Variants in CACNA1C observed in about 807,000 individuals in gnomAD.
The protein encoded by CACNA1C is voltage-dependent L-type calcium channel subunit alpha-1C.
In CACNA1C, 30 loss-of-function variants were observed where a neutral mutation model predicts 229.0. The ratio of observed to expected loss-of-function variants is 0.13; its 90% confidence interval spans 0.10 to 0.18. The LOEUF (loss-of-function observed/expected upper bound fraction) is 0.18, where lower values mean the gene tolerates loss of function less well. Ranked by LOEUF, CACNA1C falls within the 10% of genes least tolerant of loss-of-function variation. The probability of loss-of-function intolerance (pLI) is 1.00; values close to 1 mark genes in which losing one functional copy is unlikely to be tolerated. For synonymous variants in CACNA1C, 1,114 were observed against 1,132.5 expected (o/e 0.98, Z 0.33); for missense variants, 1,658 against 2,845.0 (o/e 0.58, Z 9.49).
chr12:2,683,764 G>C (rs1054307956), intron 43 of CACNA1C, among the ~76,000 whole-genome samples: 3 of 152,212 alleles, frequency 2.0e-5, no homozygotes, highest in Non-Finnish European at 4.4e-5. Flanking sequence ...TCAAGAACCT[G>C]GGATGCTGGG....
chr12:2,080,810 T>C (rs1446887627), intron 1 of CACNA1C, among the ~76,000 whole-genome samples: 1 of 152,132 alleles, frequency 6.6e-6, no homozygotes, highest in Non-Finnish European at 1.5e-5. Flanking sequence ...AAGTTAGATC[T>C]GAGGAAATTG....
rs964423893 is a variant in CACNA1C at position 2,056,459 on chromosome 12, C to G, written c.49+2848C>G. Among the ~76,000 whole-genome samples, 11 of 152,130 alleles carry G rather than the reference C, an allele frequency of 7.2e-5. No individual in the cohort carries two copies. The South Asian group carries it at 2.1e-3, about 29-fold the overall frequency. On this transcript the variant is annotated intron_variant, in intron 1 of 46. Transcript: ENST00000399655. ...GCAAATGAGTGTCTTAATAGTCAAC[C>G]ATTGAACAAATAAAACACCAGAATG...
At chr12:2,210,939 G>A (rs570282859) in intron 3 of CACNA1C, among the ~76,000 whole-genome samples, 3 of 152,260 alleles carry the variant, frequency 2.0e-5, no homozygotes, top group African/African-American at 7.2e-5. Context: ...AAGTATACAG[G>A]TGGGCAAGCT....
chr12:2,110,701 C>T (rs552396310), intron 1 of CACNA1C, among the ~76,000 whole-genome samples: 21 of 152,198 alleles, frequency 1.4e-4, no homozygotes, highest in East Asian at 1.9e-4. Context: ...GTGGGTGACC[C>T]GGAGATACTG....
chr12:2,011,740 T>C (rs2044477547), intron 1 of CACNA1C, among the ~76,000 whole-genome samples: 1 of 152,180 alleles, frequency 6.6e-6, no homozygotes, highest in African/African-American at 2.4e-5. Flanking sequence ...AAATCAAAAC[T>C]AAGGGCCGAA....
At chr12:2,423,406 C>T (rs758719791) in intron 3 of CACNA1C, among the ~76,000 whole-genome samples, 1 of 152,184 alleles carries the variant, frequency 6.6e-6, no homozygotes, top group Non-Finnish European at 1.5e-5. Context: ...GTAGCTCTCA[C>T]AATATGTGTG....
At chr12:2,405,705 C>T (rs1405698677) in intron 3 of CACNA1C, among the ~76,000 whole-genome samples, 2 of 152,166 alleles carry the variant, frequency 1.3e-5, no homozygotes, top group Non-Finnish European at 2.9e-5. Context: ...TTTATCCTCA[C>T]CCATTTATGA....
Position 2,087,994 on chromosome 12 carries a change from T to G in CACNA1C, c.50-27230T>G, listed in dbSNP as rs73048359. Among the ~76,000 whole-genome samples, 326 of 152,316 alleles carry G rather than the reference T, an allele frequency of 2.1e-3. 1 individual carries two copies. The highest frequency in any genetic ancestry group is 3.4e-3 in the Middle Eastern group (1 of 294). On this transcript the variant is annotated intron_variant, in intron 1 of 46. Transcript: ENST00000399655. ...TTTTGTCACCCACTCATTCTGCAGG[T>G]TACTCACTTGGGTAGGCCACTTCTC...
At chr12:2,317,317 A>C (rs1302964555) in intron 3 of CACNA1C, among the ~76,000 whole-genome samples, 7 of 152,240 alleles carry the variant, frequency 4.6e-5, no homozygotes, top group African/African-American at 1.4e-4. Context: ...TGCAAGCTTT[A>C]AAAAGGAATG....
At chr12:2,092,712 C>G (rs1198101613) in intron 1 of CACNA1C, among the ~76,000 whole-genome samples, 1 of 152,142 alleles carries the variant, frequency 6.6e-6, no homozygotes, top group Non-Finnish European at 1.5e-5. Flanking sequence ...AGTAAGCATG[C>G]ATTAGTATTA....
intron 3 of CACNA1C, among the ~76,000 whole-genome samples, chr12:2,146,805 G>A (rs1024148003): frequency 2.5e-4 from 37 of 150,840 alleles, no homozygotes; most frequent in African/African-American, 8.5e-4. Flanking sequence ...GGTTTGTTAT[G>A]ACTTGACTGT....
At chr12:2,128,967 T>C (rs1395746911) in intron 3 of CACNA1C, among the ~76,000 whole-genome samples, 6 of 152,196 alleles carry the variant, frequency 3.9e-5, no homozygotes, top group African/African-American at 1.4e-4. Context: ...GGGTGAGGCA[T>C]CTCCCGGTCT....
Position 2,595,841 on chromosome 12 carries a change from C to T in CACNA1C, c.2664-33C>T. ...TGGTGCTTCCCCTTGTCTGCCTTGA[C>T]TTGTCTCTCCTCCTGTCCCCTCTCC... On this transcript the variant is annotated intron_variant, in intron 19 of 46. Transcript: ENST00000399655. The surrounding 1 kb of genome is among the most constrained non-coding windows in gnomAD (Gnocchi z 4.1). 1 of 1,606,158 alleles carries T rather than the reference C, an allele frequency of 6.2e-7. No individual in the cohort carries two copies. The highest frequency in any genetic ancestry group is 1.1e-5 in the South Asian group (1 of 90,112).
In CACNA1C at chr12:2,348,502, C is replaced by G. The variant is rs2154525296; in HGVS notation, c.478-100474C>G. Among the ~76,000 whole-genome samples the G allele has an allele frequency of 6.6e-6, 1 of 152,332 alleles. No homozygotes were observed. Among genetic ancestry groups the G allele is most frequent in the East Asian group, 1.9e-4 (1 of 5,184 alleles). On this transcript the variant is annotated intron_variant, in intron 3 of 46. Coordinates refer to ENST00000399655, the MANE Select transcript of CACNA1C (RefSeq NM_000719.7). The surrounding 1 kb of genome is among the most constrained non-coding windows in gnomAD (Gnocchi z 4.7). ...CTGAGCCACAGCACCTGGTTTAGGGCTACAAATAGTCTCCCCGAGGGAATG... is the reference window on the plus strand; with the variant it reads ...CTGAGCCACAGCACCTGGTTTAGGGGTACAAATAGTCTCCCCGAGGGAATG...
intron 3 of CACNA1C, among the ~76,000 whole-genome samples, chr12:2,172,086 A>C (rs968441674): frequency 1.3e-5 from 2 of 152,210 alleles, no homozygotes; most frequent in African/African-American, 4.8e-5. Flanking sequence ...TTGTGCCTAG[A>C]AACCGCCTCA....
At chr12:2,500,193 A>AG (rs1429762827) in intron 7 of CACNA1C, among the ~76,000 whole-genome samples, 4 of 152,268 alleles carry the variant, frequency 2.6e-5, no homozygotes, top group African/African-American at 9.6e-5. Context: ...CCCACAGCCC[A>AG]GGGGGGACCA....
intron 29 of CACNA1C, among the ~76,000 whole-genome samples, chr12:2,615,828 G>A (rs923548786): frequency 5.9e-5 from 9 of 152,208 alleles, no homozygotes; most frequent in Non-Finnish European, 1.0e-4. Flanking sequence ...TACTGGGGGG[G>A]AGGAGCTGCA....
At chr12:2,482,741 A>AACAG (rs1207984293) in intron 5 of CACNA1C, among the ~76,000 whole-genome samples, 2 of 152,162 alleles carry the variant, frequency 1.3e-5, no homozygotes, top group African/African-American at 4.8e-5. Context: ...CCACCTTCAG[A>AACAG]TAAGCCTGTT....
chr12:2,228,156 C>T (rs1203472624), intron 3 of CACNA1C, among the ~76,000 whole-genome samples: 2 of 152,138 alleles, frequency 1.3e-5, no homozygotes, highest in Non-Finnish European at 2.9e-5. Context: ...TGTGCAACCC[C>T]GCCCCTGTGT....
Sources: gnomAD v4.1 joint callset for allele counts (sites outside exome capture counted in the v4.1 genomes callset) on GRCh38, gnomAD v4.1.1 for gene constraint, Gnocchi (gnomAD v3.1) non-coding constraint, MANE v1.5 for transcripts, NCBI Gene and HGNC (gene_info 2026-07-23, HGNC 2026-07-21) for gene names.